The following DTX4 variants were observed in gnomAD, a reference collection of about 807,000 sequenced individuals.
DTX4 encodes deltex E3 ubiquitin ligase 4, also known as E3 ubiquitin-protein ligase DTX4.
DTX4 carries 28 observed loss-of-function variants against 57.6 expected under a neutral mutation model. The observed-to-expected ratio is 0.49, with a 90% CI of 0.36 to 0.67. The LOEUF is 0.67. DTX4 is among the 30% of genes least tolerant of loss of function. The probability of loss-of-function intolerance (pLI) is 0.00; values close to 1 mark genes in which losing one functional copy is unlikely to be tolerated. For missense variants in DTX4, 715 were observed against 836.8 expected (o/e 0.85, Z 1.80); for synonymous variants, 316 against 331.0 (o/e 0.95, Z 0.49).
At chr11:59,176,420 G>A (rs991656168) in intron 1 of DTX4, among the ~76,000 whole-genome samples, 6 of 152,238 alleles carry the variant, frequency 3.9e-5, no homozygotes, top group Non-Finnish European at 7.3e-5. Context: ...TGGCAGGGCC[G>A]AGATTCTGAA....
intron 6 of DTX4, 104 bp downstream of exon 6, chr11:59,192,354 C>A: frequency 1.4e-6 from 2 of 1,379,876 alleles, no homozygotes; most frequent in South Asian, 1.3e-5. Flanking sequence ...TCTGGGAAGT[C>A]TTAGAGGTTA....
chr11:59,204,457 A>G (rs2135528037), intron 8 of DTX4, among the ~76,000 whole-genome samples: 1 of 152,312 alleles, frequency 6.6e-6, no homozygotes, highest in African/African-American at 2.4e-5. Context: ...GAGAGGTGCT[A>G]TAACTTCTCC....
chr11:59,199,626 C>T lies in DTX4; in HGVS notation c.1537-58C>T, dbSNP rs1565221543. 9.1e-6 allele frequency: 12 copies of T among 1,321,298 alleles called. 1 individual carries two copies. Among genetic ancestry groups the T allele is most frequent in the South Asian group, 2.5e-5 (2 of 79,252 alleles). The allele number at this position is 1,321,298 out of a possible 1,614,324, so 81.8% of individuals were successfully genotyped here. ...ATTGAAATTAGTCACAGCCTAACCCCGCTCTTATCAGAAATATTTTGAAAA... is the reference window on the plus strand; with the variant it reads ...ATTGAAATTAGTCACAGCCTAACCCTGCTCTTATCAGAAATATTTTGAAAA... On this transcript the variant is annotated intron_variant, in intron 7 of 8. Coordinates refer to ENST00000227451, the MANE Select transcript of DTX4 (RefSeq NM_015177.2).
intron 7 of DTX4, among the ~76,000 whole-genome samples, chr11:59,196,242 G>T (rs763588384): frequency 1.3e-5 from 2 of 152,200 alleles, no homozygotes; most frequent in African/African-American, 4.8e-5. Flanking sequence ...CAAAGTAGAC[G>T]CAATCCTTGC....
At chr11:59,176,319 A>G (rs977210507) in intron 1 of DTX4, among the ~76,000 whole-genome samples, 4 of 152,224 alleles carry the variant, frequency 2.6e-5, no homozygotes, top group East Asian at 1.9e-4. Flanking sequence ...CCTCACAACA[A>G]TCTTATGAAG....
intron 1 of DTX4, among the ~76,000 whole-genome samples, chr11:59,180,332 TG>T (rs1353504796): frequency 6.6e-6 from 1 of 152,090 alleles, no homozygotes; most frequent in African/African-American, 2.4e-5. Flanking sequence ...GCAGAGGCCA[TG>T]GTGATGAATA....
chr11:59,186,281 G>A (rs1159384030), intron 2 of DTX4, among the ~76,000 whole-genome samples: 1 of 152,142 alleles, frequency 6.6e-6, no homozygotes, highest in Non-Finnish European at 1.5e-5. Flanking sequence ...AATGTGTGGT[G>A]TTCTGGGGAT....
chr11:59,201,440 C>T (rs909558896), intron 8 of DTX4, among the ~76,000 whole-genome samples: 21 of 152,164 alleles, frequency 1.4e-4, no homozygotes, highest in African/African-American at 5.1e-4. Context: ...AGAGGACAAA[C>T]AGAGAACCCA....
Position 59,181,830 on chromosome 11 carries a change from C to T in DTX4, c.303C>T (p.Ser101=). The T allele has an allele frequency of 1.2e-6, 2 of 1,613,980 alleles. No individual in the cohort carries two copies. The highest frequency in any genetic ancestry group is 1.7e-6 in the Non-Finnish European group (2 of 1,179,884). ...VVWEWENDNG[S]WTPYDMEVGI... is the part of the protein sequence containing the mutation. Reference sequence around the variant, plus strand: ...GGGAGTGGGAGAACGACAATGGCTCCTGGACGCCCTACGACATGGAAGTGG... The same window carrying T: ...GGGAGTGGGAGAACGACAATGGCTCTTGGACGCCCTACGACATGGAAGTGG... The change falls in exon 2 of 9, where the codon TCC becomes TCT. Residue 101 remains serine, a synonymous_variant. Transcript: ENST00000227451.
Position 59,172,332 on chromosome 11 carries a change from C to T in DTX4, c.-264C>T, listed in dbSNP as rs936481051. Among the ~76,000 whole-genome samples the T allele has an allele frequency of 2.6e-5, 4 of 151,924 alleles. No homozygotes were observed. Among genetic ancestry groups the T allele is most frequent in the African/African-American group, 9.6e-5 (4 of 41,520 alleles). ...CGGGCATTTGCATGAAGCGACTCGACCCCACAGAGCAGCGGCAGCAGCAGC... is the reference window on the plus strand; with the variant it reads ...CGGGCATTTGCATGAAGCGACTCGATCCCACAGAGCAGCGGCAGCAGCAGC... On this transcript the variant is annotated 5_prime_UTR_variant, in exon 1 of 9. Transcript: ENST00000227451.
chr11:59,200,166 A>G (rs1174532805), intron 8 of DTX4, among the ~76,000 whole-genome samples: 2 of 152,234 alleles, frequency 1.3e-5, no homozygotes, highest in African/African-American at 4.8e-5. Context: ...ATGAGAGCCA[A>G]GTGAAAGGGG....
At position 59,195,071 on chromosome 11, in the gene DTX4, G is replaced by A. The variant is rs1862645068; in HGVS notation, c.1375-137G>A. 7.5e-5 allele frequency: 68 copies of A among 910,980 alleles called. No homozygotes were observed. The South Asian group carries it at 9.4e-4, about 13-fold the overall frequency. 56.4% of individuals were successfully genotyped at this position (910,980 alleles called of 1,614,324 possible). ...TAGCCTAGGTGACTGGGCTGGGAGG[G>A]AAAAACTAAGATCTATCACTCACCA... On this transcript the variant is annotated intron_variant, in intron 6 of 8. Coordinates refer to ENST00000227451, the MANE Select transcript of DTX4 (RefSeq NM_015177.2).
intron 3 of DTX4, 119 bp downstream of exon 3, chr11:59,188,915 T>C (rs1862561779): frequency 9.4e-7 from 1 of 1,064,626 alleles, no homozygotes; most frequent in African/African-American, 1.6e-5. Flanking sequence ...CAAATGGTGA[T>C]TTTAGGAATT....
At chr11:59,175,233 A>C (rs1275786361) in intron 1 of DTX4, among the ~76,000 whole-genome samples, 1 of 152,268 alleles carries the variant, frequency 6.6e-6, no homozygotes, top group Non-Finnish European at 1.5e-5. Context: ...GCTGGGAACC[A>C]GAAACATCCC....
At chr11:59,173,864 T>C (rs1862360938) in intron 1 of DTX4, among the ~76,000 whole-genome samples, 1 of 151,720 alleles carries the variant, frequency 6.6e-6, no homozygotes, top group African/African-American at 2.4e-5. Context: ...CCGGGAAGAG[T>C]TTCTGCCTCC....
intron 8 of DTX4, among the ~76,000 whole-genome samples, chr11:59,200,363 C>T (rs193000668): frequency 3.9e-5 from 6 of 152,274 alleles, no homozygotes; most frequent in African/African-American, 9.6e-5. Flanking sequence ...CAGTTTGTTT[C>T]CTCTCTCGGG....
intron 7 of DTX4, among the ~76,000 whole-genome samples, chr11:59,198,197 T>A (rs1862698273): frequency 6.6e-6 from 1 of 152,182 alleles, no homozygotes; most frequent in Non-Finnish European, 1.5e-5. Flanking sequence ...GAGTCGTGAC[T>A]GCTCCACTTA....
chr11:59,198,034 T>C (rs1156741994), intron 7 of DTX4, among the ~76,000 whole-genome samples: 1 of 152,222 alleles, frequency 6.6e-6, no homozygotes, highest in East Asian at 1.9e-4. Flanking sequence ...CATTCATCCC[T>C]GAGTGTAAGT....
intron 8 of DTX4, 90 bp downstream of exon 8, chr11:59,199,863 A>G (rs1862720497): frequency 1.9e-6 from 2 of 1,075,766 alleles, no homozygotes; most frequent in Admixed American, 2.1e-5. Context: ...TGCTTCTTAC[A>G]ATGCACAGAC....
Sources: gnomAD v4.1 joint callset for allele counts (sites outside exome capture counted in the v4.1 genomes callset) on GRCh38, gnomAD v4.1.1 for gene constraint, MANE v1.5 for transcripts, NCBI Gene and HGNC (gene_info 2026-07-23, HGNC 2026-07-21) for gene names.